The following RAB40A variants were observed in gnomAD, a reference collection of about 807,000 sequenced individuals.
RAB40A encodes the protein ras-related protein Rab-40A.
For missense variants in RAB40A, 145 were observed against 230.2 expected, an observed-to-expected ratio of 0.63 and a Z score of 2.40; for synonymous variants, 65 against 99.9, an observed-to-expected ratio of 0.65 and a Z score of 2.08.
intron 2 of RAB40A, among the ~76,000 whole-genome samples, chrX:103,507,775 G>A (rs1247762856): frequency 9.0e-6 from 1 of 110,983 alleles, no homozygotes; most frequent in Non-Finnish European, 1.9e-5. Context: ...CAGTAGTTCA[G>A]GGCATGTTAC....
intron 2 of RAB40A, among the ~76,000 whole-genome samples, chrX:103,506,463 C>T (rs2073255477): frequency 8.9e-6 from 1 of 111,770 alleles, no homozygotes; most frequent in Admixed American, 9.5e-5. Flanking sequence ...AAATTTAAAT[C>T]CAAACAGATC....
downstream of RAB40A, among the ~76,000 whole-genome samples, chrX:103,498,730 C>T (rs958923457): frequency 1.2e-4 from 14 of 112,337 alleles, no homozygotes; most frequent in East Asian, 2.2e-3. Flanking sequence ...TGCCCTTCTG[C>T]GGGACTTTGT....
At chrX:103,507,680 G>C (rs1009217939) in intron 2 of RAB40A, among the ~76,000 whole-genome samples, 7 of 112,224 alleles carry the variant, frequency 6.2e-5, no homozygotes, top group Non-Finnish European at 1.3e-4. Flanking sequence ...CTTAAACTTA[G>C]TTTCCTGATT....
intron 2 of RAB40A, among the ~76,000 whole-genome samples, chrX:103,508,582 A>G (rs1029662852): frequency 8.0e-5 from 9 of 112,279 alleles, no homozygotes; most frequent in African/African-American, 2.6e-4. Flanking sequence ...ATCATTTCTC[A>G]TTGTTTCTCC....
intron 2 of RAB40A, among the ~76,000 whole-genome samples, chrX:103,513,259 CCT>C (rs1179324126): frequency 9.0e-6 from 1 of 111,300 alleles, no homozygotes; most frequent in African/African-American, 3.3e-5. Flanking sequence ...ACAGCAGGCT[CCT>C]CTGTTTACCC....
intron 2 of RAB40A, among the ~76,000 whole-genome samples, chrX:103,511,355 TAGGC>T (rs1393057469): frequency 3.7e-5 from 4 of 108,564 alleles, no homozygotes; most frequent in Admixed American, 2.0e-4. Context: ...ACAAAAAAAT[TAGGC>T]AGGTGTGGTG....
chrX:103,497,555 C>G (rs1645314322), downstream of RAB40A: 1 of 111,818 alleles, frequency 8.9e-6, no homozygotes, highest in South Asian at 3.8e-4. Context: ...TGTTCAGAAG[C>G]AGATTTAGGC....
intron 2 of RAB40A, chrX:103,503,278 A>G (rs2073238209): frequency 1.3e-6 from 1 of 751,637 alleles, no homozygotes; most frequent in African/African-American, 2.3e-5. Context: ...TAGAGGTCAC[A>G]GGAGCAGGGT....
intron 2 of RAB40A, among the ~76,000 whole-genome samples, chrX:103,508,665 CAG>C (rs2073269649): frequency 1.8e-5 from 2 of 112,006 alleles, no homozygotes; most frequent in African/African-American, 6.5e-5. Context: ...GTTTTAGAAA[CAG>C]AATGTTCTCT....
At chrX:103,503,981 A>G (rs2073241944) in intron 2 of RAB40A, among the ~76,000 whole-genome samples, 1 of 112,259 alleles carries the variant, frequency 8.9e-6, no homozygotes, top group Non-Finnish European at 1.9e-5. Context: ...AATCTGTTCA[A>G]AAGTATTTTG....
At chrX:103,512,323 T>C (rs904367161) in intron 2 of RAB40A, among the ~76,000 whole-genome samples, 10 of 109,990 alleles carry the variant, frequency 9.1e-5, no homozygotes, top group African/African-American at 3.0e-4. Flanking sequence ...TTTTTTTTTC[T>C]GTGCCCTGAT....
intron 2 of RAB40A, among the ~76,000 whole-genome samples, chrX:103,516,912 T>C (rs1288549076): frequency 8.9e-6 from 1 of 111,736 alleles, no homozygotes; most frequent in African/African-American, 3.3e-5. Context: ...GTATAAGATA[T>C]AATCTAACTT....
chrX:103,504,598 T>C (rs1015667827), intron 2 of RAB40A, among the ~76,000 whole-genome samples: 1 of 111,775 alleles, frequency 8.9e-6, no homozygotes, highest in African/African-American at 3.3e-5. Flanking sequence ...CTCAGCTCAC[T>C]GCAACCTCCG....
chrX:103,501,138 T>C lies in RAB40A; in HGVS notation c.-70-312A>G, dbSNP rs1195858766. On this transcript the variant is annotated intron_variant, in intron 2 of 2. Transcript: ENST00000304236. Reference sequence around the variant, plus strand: ...AGGGACTAAGATGTGTTGAGTACTGTACGTACCCTATGCTGTGTATGACGC... The same window carrying C: ...AGGGACTAAGATGTGTTGAGTACTGCACGTACCCTATGCTGTGTATGACGC... 2.8e-5 allele frequency: 5 copies of C among 181,190 alleles called. No homozygotes were observed. The East Asian group carries it at 4.2e-4, about 15-fold the overall frequency. 14.9% of individuals were successfully genotyped at this position (181,190 alleles called of 1,213,427 possible).
chrX:103,503,162 G>GA (rs1435069557), intron 2 of RAB40A: 84 of 751,673 alleles, frequency 1.1e-4, no homozygotes, highest in Non-Finnish European at 1.3e-4. Flanking sequence ...AAGCTAGAAA[G>GA]AAAAAAATTG....
intron 2 of RAB40A, among the ~76,000 whole-genome samples, chrX:103,509,289 A>ATCTCTCTCTCTCTCTC (rs373450734): frequency 6.6e-4 from 57 of 86,108 alleles, no homozygotes; most frequent in African/African-American, 2.3e-3. Flanking sequence ...CAGCCACAGG[A>ATCTCTCTCTCTCTCTC]TCTCTCTCTC....
chrX:103,506,523 C>A (rs1338212062), intron 2 of RAB40A, among the ~76,000 whole-genome samples: 1 of 112,026 alleles, frequency 8.9e-6, no homozygotes, highest in Admixed American at 9.5e-5. Flanking sequence ...TAGATCATTG[C>A]CAATTCTTTA....
At chrX:103,512,271 C>T (rs899446724) in intron 2 of RAB40A, among the ~76,000 whole-genome samples, 1 of 110,538 alleles carries the variant, frequency 9.0e-6, no homozygotes, top group African/African-American at 3.3e-5. Flanking sequence ...GTACAGCAGC[C>T]ATAGGAAACT....
chrX:103,509,289 ATC>A lies in RAB40A; in HGVS notation c.-71+8083_-71+8084del, dbSNP rs373450734. On this transcript the variant is annotated intron_variant, in intron 2 of 2. Transcript: ENST00000304236. ...CCCTCATCACCCAATCAGCCACAGG[ATC>A]TCTCTCTCTCTCTCTCTCTCTCTCT... 7.8e-3 allele frequency among the ~76,000 whole-genome samples: 668 copies of A among 85,187 alleles called. 2 individuals are homozygous for A. Among genetic ancestry groups the A allele is most frequent in the East Asian group, 0.016 (42 of 2,574 alleles). The allele number at this position is 85,187 out of a possible 115,157, so 74.0% of individuals were successfully genotyped here.
Sources: gnomAD v4.1 joint callset for allele counts (sites outside exome capture counted in the v4.1 genomes callset) on GRCh38, gnomAD v4.1.1 for gene constraint, MANE v1.5 for transcripts, NCBI Gene and HGNC (gene_info 2026-07-23, HGNC 2026-07-21) for gene names.